Variants in FGD6 observed in about 807,000 individuals in gnomAD.
The protein encoded by FGD6 is FYVE, RhoGEF and PH domain containing 6.
FGD6 carries 90 observed loss-of-function variants against 149.4 expected under a neutral mutation model. The ratio of observed to expected loss-of-function variants is 0.60; its 90% confidence interval spans 0.51 to 0.72. The LOEUF (loss-of-function observed/expected upper bound fraction) is 0.72, where lower values mean the gene tolerates loss of function less well. Among genes scored for constraint, FGD6 ranks in the 30% least tolerant of loss-of-function variants. The pLI is 0.00. For missense variants in FGD6, 1,437 were observed against 1,684.8 expected (o/e 0.85, Z 2.57); for synonymous variants, 527 against 584.0 (o/e 0.90, Z 1.41).
chr12:95,127,948 CTAATG>C (rs1879396492), intron 8 of FGD6, among the ~76,000 whole-genome samples: 1 of 152,050 alleles, frequency 6.6e-6, no homozygotes, highest in Non-Finnish European at 1.5e-5. Context: ...TGTTTCAACA[CTAATG>C]TAATAACCTT....
chr12:95,108,256 A>G (rs1019182539), intron 11 of FGD6, 92 bp downstream of exon 11: 2 of 1,173,286 alleles, frequency 1.7e-6, no homozygotes, highest in African/African-American at 3.1e-5. Context: ...AAGAGTAACA[A>G]AAACAACCTA....
At position 95,186,225 on chromosome 12, in the gene FGD6, CTTCTT is replaced by C. The variant is rs1881428836; in HGVS notation, c.2442-13486_2442-13482del. Among the ~76,000 whole-genome samples, 8 of 71,186 alleles carry C rather than the reference CTTCTT, an allele frequency of 1.1e-4. 3 individuals carry two copies. Among genetic ancestry groups the C allele is most frequent in the South Asian group, 9.7e-4 (2 of 2,072 alleles). The allele number at this position is 71,186 out of a possible 152,430, so 46.7% of individuals were successfully genotyped here. On this transcript the variant is annotated intron_variant, in intron 2 of 20. Transcript: ENST00000343958. The stretch of plus-strand genomic sequence containing the variant: ...AGCTAAGAATGCTTCTTATATTCTT[CTTCTT>C]TTTTTTTTTTTTTTTTTTTTTTTTT...
intron 2 of FGD6, among the ~76,000 whole-genome samples, chr12:95,199,171 C>G (rs957288018): frequency 2.6e-5 from 4 of 152,158 alleles, no homozygotes; most frequent in African/African-American, 7.2e-5. Flanking sequence ...AAGCTCCAGG[C>G]TGGAGCTCTG....
intron 7 of FGD6, 81 bp from the exon 8 acceptor site, chr12:95,134,907 CTT>C (rs1879624368): frequency 9.3e-7 from 1 of 1,072,450 alleles, no homozygotes; most frequent in Admixed American, 2.6e-5. Context: ...GGAAGCCAAA[CTT>C]TAAACATCAA....
intron 8 of FGD6, among the ~76,000 whole-genome samples, chr12:95,128,106 T>C (rs755142733): frequency 6.6e-5 from 10 of 152,226 alleles, no homozygotes; most frequent in Admixed American, 2.0e-4. Context: ...AATCCTTAAA[T>C]ATTTTTGTAT....
intron 14 of FGD6, among the ~76,000 whole-genome samples, chr12:95,096,841 G>A (rs577394732): frequency 2.6e-5 from 4 of 152,296 alleles, no homozygotes; most frequent in African/African-American, 9.6e-5. Context: ...CATGTTCTCT[G>A]CAGAACTACA....
chr12:95,098,684 T>C (rs1314445452), intron 14 of FGD6, among the ~76,000 whole-genome samples: 1 of 152,202 alleles, frequency 6.6e-6, no homozygotes, highest in Non-Finnish European at 1.5e-5. Flanking sequence ...CAGCAGGGTT[T>C]GTAGGAAAGA....
At chr12:95,133,115 T>A (rs1265728147) in intron 8 of FGD6, among the ~76,000 whole-genome samples, 1 of 152,204 alleles carries the variant, frequency 6.6e-6, no homozygotes, top group Non-Finnish European at 1.5e-5. Context: ...GCCTGATTCA[T>A]CCTTAGAAAT....
At chr12:95,104,609 G>A (rs779780110) in intron 14 of FGD6, among the ~76,000 whole-genome samples, 4 of 151,906 alleles carry the variant, frequency 2.6e-5, no homozygotes, top group Non-Finnish European at 5.9e-5. Flanking sequence ...GCTAATTTTT[G>A]TATTGTTAGT....
At chr12:95,100,921 G>T (rs1230749201) in intron 14 of FGD6, 12 of 368,406 alleles carry the variant, frequency 3.3e-5, no homozygotes, top group South Asian at 2.7e-4. Flanking sequence ...CTCCTGACAA[G>T]AAACTGAAGC....
chr12:95,142,630 C>T (rs1041586652), intron 5 of FGD6, among the ~76,000 whole-genome samples: 3 of 152,204 alleles, frequency 2.0e-5, no homozygotes, highest in African/African-American at 7.2e-5. Flanking sequence ...TCCTTATTTA[C>T]TGTGTTTCCT....
intron 5 of FGD6, among the ~76,000 whole-genome samples, chr12:95,142,264 C>A (rs1478153895): frequency 6.6e-6 from 1 of 151,990 alleles, no homozygotes; most frequent in Non-Finnish European, 1.5e-5. Context: ...GCCTCAGCCT[C>A]CCGAGTAGCT....
At chr12:95,145,467 AC>A (rs1879984453) in intron 5 of FGD6, among the ~76,000 whole-genome samples, 2 of 152,010 alleles carry the variant, frequency 1.3e-5, no homozygotes, top group South Asian at 4.2e-4. Context: ...ATGTATGATC[AC>A]CCTGGCTGGT....
At chr12:95,217,128 C>T (rs952654477) in intron 1 of FGD6, 97 bp downstream of exon 1, 3 of 1,563,088 alleles carry the variant, frequency 1.9e-6, no homozygotes, top group Admixed American at 3.6e-5. Context: ...ACGGGGCACA[C>T]AACTCGCCCA....
At chr12:95,104,961 C>T (rs1321880949) in intron 14 of FGD6, 46 bp downstream of exon 14, 2 of 1,469,022 alleles carry the variant, frequency 1.4e-6, no homozygotes, top group South Asian at 1.3e-5. Flanking sequence ...AGCAAGCAGA[C>T]TCAGAATGAG....
At chr12:95,179,340 A>G (rs1373957415) in intron 2 of FGD6, among the ~76,000 whole-genome samples, 3 of 114,584 alleles carry the variant, frequency 2.6e-5, no homozygotes, top group Non-Finnish European at 5.8e-5. Flanking sequence ...CATTTCTATG[A>G]AAAAAAAAAA....
At chr12:95,104,702 C>T (rs905820883) in intron 14 of FGD6, among the ~76,000 whole-genome samples, 4 of 152,006 alleles carry the variant, frequency 2.6e-5, no homozygotes, top group Non-Finnish European at 4.4e-5. Context: ...CTCAGCCTCC[C>T]GAAGTCCTGG....
At position 95,208,902 on chromosome 12, in the gene FGD6, T is replaced by G. The variant is rs771128589; in HGVS notation, c.2382A>C (p.Glu794Asp). The change falls in exon 2 of 21, where the codon GAA (glutamate) becomes GAC (aspartate). Residue 794 changes from glutamate to aspartate, a missense_variant. Coordinates refer to ENST00000343958, the MANE Select transcript of FGD6 (RefSeq NM_018351.4). Reference sequence around the variant, plus strand: ...GGCCATCTGGAGCTTCATACGGCTCTTCTACCTCATACACATTTGCATCAG... The same window carrying G: ...GGCCATCTGGAGCTTCATACGGCTCGTCTACCTCATACACATTTGCATCAG... Reference protein sequence around the residue: ...EDADANVYEVEEPYEAPDGQL... With the variant: ...EDADANVYEVDEPYEAPDGQL... The G allele has an allele frequency of 1.2e-6, 2 of 1,614,144 alleles. No individual in the cohort carries two copies. Among genetic ancestry groups the G allele is most frequent in the Admixed American group, 3.3e-5 (2 of 60,002 alleles).
At chr12:95,165,523 C>T (rs1176861514) in intron 3 of FGD6, among the ~76,000 whole-genome samples, 1 of 147,972 alleles carries the variant, frequency 6.8e-6, no homozygotes, top group African/African-American at 2.5e-5. Context: ...TTAGTAGAGA[C>T]AGGTTGGTTT....
Sources: allele counts gnomAD v4.1 joint callset (sites outside exome capture counted in the v4.1 genomes callset), GRCh38; gene constraint gnomAD v4.1.1; transcripts MANE v1.5; gene names NCBI Gene and HGNC (gene_info 2026-07-23, HGNC 2026-07-21).